The following PAQR6 variants were observed in gnomAD, a reference collection of about 807,000 sequenced individuals.
The protein encoded by PAQR6 is membrane progestin receptor delta.
Under a neutral mutation model 36.2 loss-of-function variants are expected in PAQR6, and 34 were observed. That is an observed-to-expected ratio of 0.94 (90% CI 0.71 to 1.25). The LOEUF (loss-of-function observed/expected upper bound fraction) is 1.25, where lower values mean the gene tolerates loss of function less well. Among genes scored for constraint, PAQR6 ranks in the 50% most tolerant of loss-of-function variants. The pLI is 0.00. For synonymous variants in PAQR6, 190 were observed against 190.7 expected (o/e 1.00, Z 0.03); for missense variants, 431 against 445.7 (o/e 0.97, Z 0.30).
chr1:156,244,602 G>C, intron 7 of PAQR6, 159 bp downstream of exon 7: 3 of 1,467,616 alleles, frequency 2.0e-6, no homozygotes, highest in Non-Finnish European at 2.7e-6. Context: ...GCAGGTGGAG[G>C]ACCCTTCCAG....
intron 1 of PAQR6, 127 bp downstream of exon 1, chr1:156,247,830 G>GT: frequency 3.0e-6 from 1 of 334,952 alleles, no homozygotes; most frequent in South Asian, 2.5e-5. Flanking sequence ...CCTTCCCTTA[G>GT]TAGTAGGGTT....
rs781432604 is a variant in PAQR6 at position 156,245,822 on chromosome 1, G to C, written c.345C>G (p.Cys115Trp). 1.9e-5 allele frequency: 30 copies of C among 1,606,498 alleles called. No homozygotes were observed. The highest frequency in any genetic ancestry group is 2.5e-5 in the Non-Finnish European group (29 of 1,177,096). ...TGAGCGCGCCGTAGTCGAGGAAGTA[G>C]CAGATGTGGCGCATGCGGGGCGACA... is the stretch of plus-strand genomic sequence containing the variant. ...SSMSPRMRHI[C>W]YFLDYGALSL... Residue 115 changes from cysteine (C) to tryptophan (W), a missense_variant, in exon 4 of 8, where the codon TGC becomes TGG. Transcript: ENST00000292291.
chr1:156,244,070 C>G lies in PAQR6; in HGVS notation c.*59G>C, dbSNP rs1336120284. 5.6e-6 allele frequency: 9 copies of G among 1,613,530 alleles called. No individual in the cohort carries two copies. The East Asian group carries it at 1.8e-4, about 32-fold the overall frequency. ...ACCTGATTAGGCCCAAATCTGGGCT[C>G]CTCGTCAGCACTGGGGCCTGGCCTC... On this transcript the variant is annotated 3_prime_UTR_variant, in exon 8 of 8. Transcript: ENST00000292291.
rs778775297 is a variant in PAQR6, at chr1:156,244,152, C to T, written c.1012G>A (p.Gly338Ser). The change falls in exon 8 of 8, where the codon GGT (glycine) becomes AGT (serine). Residue 338 changes from glycine (G) to serine (S), a missense_variant. Coordinates refer to ENST00000292291, the MANE Select transcript of PAQR6 (RefSeq NM_198406.3). ...CCTCACTGTTGTTTGGCCTGGGTAC[C>T]CCCCTCCAGTGGGCCACCCTGCAGC... The part of the protein sequence containing the change: ...PLLQGGPLEG[G>S]TQAKQQ The T allele has an allele frequency of 6.2e-7, 1 of 1,604,792 alleles. No homozygotes were observed. Among genetic ancestry groups the T allele is most frequent in the East Asian group, 2.2e-5 (1 of 44,640 alleles).
Position 156,243,942 on chromosome 1 carries a change from C to T in PAQR6, c.*187G>A, listed in dbSNP as rs1659733948. Reference sequence around the variant, plus strand: ...CATCAAGAGCCCCCTCACGGTCCCTCTCACACTCTGCCAGTCCCCCTAGAC... The same window carrying T: ...CATCAAGAGCCCCCTCACGGTCCCTTTCACACTCTGCCAGTCCCCCTAGAC... On this transcript the variant is annotated 3_prime_UTR_variant, in exon 8 of 8. Coordinates refer to ENST00000292291, the MANE Select transcript of PAQR6 (RefSeq NM_198406.3). The T allele has an allele frequency of 1.2e-6, 2 of 1,614,198 alleles. No individual in the cohort carries two copies. The highest frequency in any genetic ancestry group is 1.3e-5 in the African/African-American group (1 of 75,056).
At position 156,244,265 on chromosome 1, in the gene PAQR6, G is replaced by T. The variant is rs776528069; in HGVS notation, c.899C>A (p.Ala300Asp). ...CCCAGCTGCAGCCAAGACCAGTGTG[G>T]CCACTGTGCCTGCCAGGCCCAGGGC... Reference protein sequence around the residue: ...EPALGLAGTVATLVLAAAGNL... With the variant: ...EPALGLAGTVDTLVLAAAGNL... Residue 300 changes from alanine (A) to aspartate (D), a missense_variant, in exon 8 of 8, where the codon GCC becomes GAC. Ala to Asp is a moderately radical substitution (Grantham distance 126). Transcript: ENST00000292291. 9.3e-6 allele frequency: 15 copies of T among 1,613,534 alleles called. No homozygotes were observed.
In PAQR6 at chr1:156,246,176, G is replaced by A; in HGVS notation, c.126C>T (p.Ser42=). The A allele has an allele frequency of 6.2e-7, 1 of 1,613,644 alleles. No individual in the cohort carries two copies. The highest frequency in any genetic ancestry group is 1.3e-5 in the African/African-American group (1 of 75,064). Reference sequence around the variant, plus strand: ...TGACCGTCTCGTTGGTCATCTGGAAGGAGCTGAGGACACAGTCCAAAGCCG... The same window carrying A: ...TGACCGTCTCGTTGGTCATCTGGAAAGAGCTGAGGACACAGTCCAAAGCCG... ...TSSALDCVLS[S]FQMTNETVNI... Residue 42 remains serine (S), a synonymous_variant, in exon 3 of 8, where the codon TCC becomes TCT. Coordinates refer to ENST00000292291, the MANE Select transcript of PAQR6 (RefSeq NM_198406.3).
At chr1:156,245,730 C>G in intron 4 of PAQR6, 52 bp downstream of exon 4, 2 of 1,571,356 alleles carry the variant, frequency 1.3e-6, no homozygotes, top group Non-Finnish European at 1.7e-6. Context: ...TCCCACCCCT[C>G]GCCCCGCTCC....
At chr1:156,246,079 C>A (rs750929682) in intron 3 of PAQR6, 44 bp downstream of exon 3, 35 of 1,605,990 alleles carry the variant, frequency 2.2e-5, no homozygotes, top group Non-Finnish European at 2.7e-5. Context: ...CTGGGTACCC[C>A]CTCTGAGCTC....
Position 156,243,873 on chromosome 1 carries a change from C to T in PAQR6, c.*256G>A, listed in dbSNP as rs535452914. ...TATAGGGGCATCTTCAGCCTGGACA[C>T]GCATGCATCTCCCCTCTCAGACCCT... On this transcript the variant is annotated 3_prime_UTR_variant, in exon 8 of 8. Transcript: ENST00000292291. 51 of 1,601,126 alleles carry T rather than the reference C, an allele frequency of 3.2e-5. No homozygotes were observed. The highest frequency in any genetic ancestry group is 2.2e-4 in the East Asian group (10 of 44,600).
Position 156,243,889 on chromosome 1 carries a change from C to G in PAQR6, c.*240G>C, listed in dbSNP as rs1028379052. On this transcript the variant is annotated 3_prime_UTR_variant, in exon 8 of 8. Transcript: ENST00000292291. Reference sequence around the variant, plus strand: ...GCCTGGACACGCATGCATCTCCCCTCTCAGACCCTCAGCACTTCTTCCACT... The same window carrying G: ...GCCTGGACACGCATGCATCTCCCCTGTCAGACCCTCAGCACTTCTTCCACT... 2 of 1,609,584 alleles carry G rather than the reference C, an allele frequency of 1.2e-6. No homozygotes were observed. The highest frequency in any genetic ancestry group is 8.5e-7 in the Non-Finnish European group (1 of 1,176,658).
In PAQR6 at chr1:156,245,585, A is replaced by C. The variant is rs761445250; in HGVS notation, c.462T>G (p.Pro154=). Reference sequence around the variant, plus strand: ...ACAGGAAGGAGTTGAGTGCGGCGGCAGGCACAAAGAACTGGTGCAGGTGGC... The same window carrying C: ...ACAGGAAGGAGTTGAGTGCGGCGGCCGGCACAAAGAACTGGTGCAGGTGGC... ...LHGHLHQFFV[P]AAALNSFLCT... Residue 154 remains proline (P), a synonymous_variant, in exon 5 of 8, where the codon CCT becomes CCG. Transcript: ENST00000292291. The C allele has an allele frequency of 3.1e-6, 5 of 1,612,908 alleles. No individual in the cohort carries two copies. The South Asian group carries it at 5.5e-5, about 18-fold the overall frequency.
Position 156,244,750 on chromosome 1 carries a change from C to T in PAQR6, c.760+11G>A, listed in dbSNP as rs1429791982. The T allele has an allele frequency of 4.3e-6, 7 of 1,613,706 alleles. No homozygotes were observed. The highest frequency in any genetic ancestry group is 2.2e-5 in the East Asian group (1 of 44,896). On this transcript the variant is annotated intron_variant, in intron 7 of 7. Coordinates refer to ENST00000292291, the MANE Select transcript of PAQR6 (RefSeq NM_198406.3). ...CTGCCTCTTCCCGGGCCGGGCCAGG[C>T]GTGCCCTCACCGATGTAATCAAAGC...
rs763546845 is a variant in PAQR6, at chr1:156,244,090, G to A, written c.*39C>T. The A allele has an allele frequency of 6.2e-7, 1 of 1,611,708 alleles. No individual in the cohort carries two copies. Among genetic ancestry groups the A allele is most frequent in the Non-Finnish European group, 8.5e-7 (1 of 1,178,264 alleles). On this transcript the variant is annotated 3_prime_UTR_variant, in exon 8 of 8. Transcript: ENST00000292291. Reference sequence around the variant, plus strand: ...GGGCTCCTCGTCAGCACTGGGGCCTGGCCTCTGCCCCCTCCAGGACAGGGT... The same window carrying A: ...GGGCTCCTCGTCAGCACTGGGGCCTAGCCTCTGCCCCCTCCAGGACAGGGT...
Position 156,245,086 on chromosome 1 carries a change from C to G in PAQR6, c.609+56G>C. On this transcript the variant is annotated intron_variant, in intron 6 of 7. Transcript: ENST00000292291. ...AGGGGGCAGGGCTGGAAGTGGGCAC[C>G]TTGAGGGTCAGGACAGGAAAGCAGG... 1.9e-6 allele frequency: 3 copies of G among 1,604,542 alleles called. No individual in the cohort carries two copies. In the South Asian group the frequency reaches 3.3e-5, roughly 18 times the overall value.
Position 156,246,212 on chromosome 1 carries a change from G to A in PAQR6, c.90C>T (p.Arg30=), listed in dbSNP as rs1014904878. Residue 30 remains arginine, a synonymous_variant, in exon 3 of 8, where the codon CGC becomes CGT. Transcript: ENST00000292291. ...WEDGIMSGYR[R]PTSSALDCVL... ...CACAGTCCAAAGCCGAGCTGGTGGG[G>A]CGGCGGTAGCCAGACATGATGCCAT... 8 of 1,613,626 alleles carry A rather than the reference G, an allele frequency of 5.0e-6. No homozygotes were observed. Among genetic ancestry groups the A allele is most frequent in the Non-Finnish European group, 6.8e-6 (8 of 1,179,998 alleles).
chr1:156,246,845 C>T lies in PAQR6; in HGVS notation c.-25-89G>A. 8 of 1,160,212 alleles carry T rather than the reference C, an allele frequency of 6.9e-6. No homozygotes were observed. In the South Asian group the frequency reaches 9.1e-5, roughly 13 times the overall value. 71.9% of individuals were successfully genotyped at this position (1,160,212 alleles called of 1,614,324 possible). A position where few individuals can be genotyped will look rare whatever the true frequency, so the allele number is the denominator to read the frequency against. On this transcript the variant is annotated intron_variant, in intron 1 of 7. Transcript: ENST00000292291. ...GGGTTCAGCCGCAGGATGGGCTGTG[C>T]GTGTGGGAGGCAGATGGCACCCTCC...
At position 156,243,351 on chromosome 1, in the gene PAQR6, G is replaced by C. The variant is rs1409566262; in HGVS notation, c.*778C>G. 5.1e-6 allele frequency: 5 copies of C among 988,452 alleles called. No homozygotes were observed. In the Admixed American group the frequency reaches 1.4e-4, roughly 28 times the overall value. 61.2% of individuals were successfully genotyped at this position (988,452 alleles called of 1,614,324 possible). A position where few individuals can be genotyped will look rare whatever the true frequency, so the allele number is the denominator to read the frequency against. On this transcript the variant is annotated 3_prime_UTR_variant, in exon 8 of 8. Coordinates refer to ENST00000292291, the MANE Select transcript of PAQR6 (RefSeq NM_198406.3). The stretch of plus-strand genomic sequence containing the variant: ...CCTGTGAGTCTGTCCAGTTTATGGA[G>C]TGTGGGAGGGAGGTGTCAGGAGGAT...
intron 1 of PAQR6, 115 bp from the exon 2 acceptor site, chr1:156,246,871 C>G: frequency 2.4e-6 from 2 of 835,668 alleles, no homozygotes. Context: ...GGCACCCTCC[C>G]TCCTGGAGCT....
Sources: allele counts gnomAD v4.1 joint callset, GRCh38; gene constraint gnomAD v4.1.1; transcripts MANE v1.5; gene names NCBI Gene and HGNC (gene_info 2026-07-23, HGNC 2026-07-21).